ZNF804B: variants seen among roughly 807,000 people sequenced by gnomAD.
ZNF804B encodes the protein zinc finger 804B.
ZNF804B carries 80 observed loss-of-function variants against 101.4 expected under a neutral mutation model. The ratio of observed to expected loss-of-function variants is 0.79; its 90% CI spans 0.66 to 0.95. The LOEUF (loss-of-function observed/expected upper bound fraction) is 0.95, where lower values mean the gene tolerates loss of function less well. ZNF804B is among the 40% of genes least tolerant of loss of function. The pLI is 0.00. For missense variants in ZNF804B, 1,673 were observed against 1,561.9 expected, an observed-to-expected ratio of 1.07 and a Z score of -1.20; for synonymous variants, 622 against 558.8, an observed-to-expected ratio of 1.11 and a Z score of -1.59.
At chr7:89,066,925 T>C (rs1789463293) in intron 1 of ZNF804B, among the ~76,000 whole-genome samples, 1 of 151,960 alleles carries the variant, frequency 6.6e-6, no homozygotes. Flanking sequence ...GTTTGTGGTA[T>C]TTGTCAATTT....
intron 1 of ZNF804B, among the ~76,000 whole-genome samples, chr7:88,821,992 T>C (rs1315635306): frequency 6.6e-6 from 1 of 152,204 alleles, no homozygotes; most frequent in Non-Finnish European, 1.5e-5. Flanking sequence ...TAATTTAAGG[T>C]GGAAATCCAA....
rs1434913949 is a variant in ZNF804B at position 88,769,622 on chromosome 7, T to G, written c.108+9538T>G. ...GGAACTTGATCATTTCTTTCCTATT[T>G]AGGAGTTTATAGGAGGTACATAAGA... On this transcript the variant is annotated intron_variant, in intron 1 of 3. Coordinates refer to ENST00000333190, the MANE Select transcript of ZNF804B (RefSeq NM_181646.5). 2.0e-5 allele frequency among the ~76,000 whole-genome samples: 3 copies of G among 152,184 alleles called. No individual in the cohort carries two copies. In the South Asian group the frequency reaches 6.2e-4, roughly 32 times the overall value.
Position 88,776,549 on chromosome 7 carries a change from C to T in ZNF804B, c.108+16465C>T, listed in dbSNP as rs565556143. 3.7e-3 allele frequency among the ~76,000 whole-genome samples: 394 copies of T among 105,580 alleles called. 5 individuals are homozygous for T. Among genetic ancestry groups the T allele is most frequent in the Middle Eastern group, 0.018 (3 of 168 alleles). 69.3% of individuals were successfully genotyped at this position (105,580 alleles called of 152,430 possible). A position where few individuals can be genotyped will look rare whatever the true frequency, so the allele number is the denominator to read the frequency against. On this transcript the variant is annotated intron_variant, in intron 1 of 3. Transcript: ENST00000333190. ...CATTTGTAGTGGCTTTTCTATTTCT[C>T]GTGGTGTTTTGTTTTTTTTTTTTTT...
intron 2 of ZNF804B, among the ~76,000 whole-genome samples, chr7:89,279,364 C>T (rs1016440244): frequency 6.6e-6 from 1 of 150,440 alleles, no homozygotes; most frequent in Non-Finnish European, 1.5e-5. Context: ...GCCTAATTGC[C>T]CTGGCCAGAA....
chr7:88,973,089 T>G (rs1183863563), intron 1 of ZNF804B, among the ~76,000 whole-genome samples: 2 of 151,278 alleles, frequency 1.3e-5, no homozygotes, highest in Non-Finnish European at 3.0e-5. Flanking sequence ...CTATTGGTAT[T>G]TTAATGTTCT....
At chr7:89,063,477 G>T (rs965716355) in intron 1 of ZNF804B, among the ~76,000 whole-genome samples, 2 of 152,082 alleles carry the variant, frequency 1.3e-5, no homozygotes, top group Non-Finnish European at 2.9e-5. Context: ...GATACCTGTT[G>T]GGTATCATGC....
intron 1 of ZNF804B, among the ~76,000 whole-genome samples, chr7:88,983,797 C>T (rs2214628): frequency 0.72 from 109,898 of 151,824 alleles, 40,420 homozygotes; most frequent in African/African-American, 0.87. Flanking sequence ...TGATTGGCAC[C>T]GTTCATCTTG....
At chr7:89,057,548 C>T (rs1283037707) in intron 1 of ZNF804B, among the ~76,000 whole-genome samples, 6 of 152,020 alleles carry the variant, frequency 3.9e-5, no homozygotes, top group Non-Finnish European at 1.5e-5. Flanking sequence ...CTATACCATT[C>T]GAAGTCACTG....
intron 1 of ZNF804B, among the ~76,000 whole-genome samples, chr7:89,138,386 T>C (rs1177275973): frequency 6.6e-6 from 1 of 152,142 alleles, no homozygotes; most frequent in Non-Finnish European, 1.5e-5. Flanking sequence ...CTTTACGATG[T>C]GACCGTTGTA....
chr7:88,890,176 A>G (rs1792194546), intron 1 of ZNF804B, among the ~76,000 whole-genome samples: 2 of 152,158 alleles, frequency 1.3e-5, no homozygotes, highest in South Asian at 4.1e-4. Context: ...TAACACCTTC[A>G]CATAAGTCCA....
intron 2 of ZNF804B, among the ~76,000 whole-genome samples, chr7:89,323,334 A>G (rs889349512): frequency 1.3e-5 from 2 of 152,242 alleles, no homozygotes; most frequent in Non-Finnish European, 2.9e-5. Context: ...TTGAAAGATA[A>G]TACAGACCAA....
At chr7:88,996,228 T>C (rs1400629986) in intron 1 of ZNF804B, among the ~76,000 whole-genome samples, 1 of 152,108 alleles carries the variant, frequency 6.6e-6, no homozygotes, top group Non-Finnish European at 1.5e-5. Flanking sequence ...GTAGGCATTT[T>C]AAAAGACAGT....
At chr7:89,146,426 A>G (rs946993661) in intron 1 of ZNF804B, among the ~76,000 whole-genome samples, 3 of 152,112 alleles carry the variant, frequency 2.0e-5, no homozygotes, top group African/African-American at 7.2e-5. Context: ...TAAATTGGAA[A>G]TCAACAATGG....
chr7:88,925,548 T>G (rs1483000755), intron 1 of ZNF804B, among the ~76,000 whole-genome samples: 1 of 152,086 alleles, frequency 6.6e-6, no homozygotes, highest in African/African-American at 2.4e-5. Flanking sequence ...GAGAAAGTGG[T>G]CATCTGCAAG....
intron 2 of ZNF804B, among the ~76,000 whole-genome samples, chr7:89,252,645 A>T (rs1443539900): frequency 6.6e-6 from 1 of 152,204 alleles, no homozygotes; most frequent in Non-Finnish European, 1.5e-5. Flanking sequence ...ATGTTCATCA[A>T]TGGTGGATTG....
intron 2 of ZNF804B, among the ~76,000 whole-genome samples, chr7:89,289,036 T>G (rs1170770696): frequency 6.6e-6 from 1 of 152,046 alleles, no homozygotes; most frequent in Non-Finnish European, 1.5e-5. Context: ...AAGTTAAGAG[T>G]GCATACTTTA....
At chr7:89,058,296 A>T (rs1204547726) in intron 1 of ZNF804B, among the ~76,000 whole-genome samples, 1 of 152,176 alleles carries the variant, frequency 6.6e-6, no homozygotes, top group Non-Finnish European at 1.5e-5. Context: ...AATTACTGTC[A>T]TCAGGTTTCT....
At position 88,845,290 on chromosome 7, in the gene ZNF804B, C is replaced by T. The variant is rs573284585; in HGVS notation, c.108+85206C>T. ...ATGCGCATGTGTGCGCACGCGCGCG[C>T]GCACGCGCGCGCACACACACACACA... is the stretch of plus-strand genomic sequence containing the variant. On this transcript the variant is annotated intron_variant, in intron 1 of 3. Transcript: ENST00000333190. 7.6e-4 allele frequency among the ~76,000 whole-genome samples: 91 copies of T among 119,628 alleles called. 1 individual carries two copies. Among genetic ancestry groups the T allele is most frequent in the Middle Eastern group, 4.0e-3 (1 of 252 alleles). 78.5% of individuals were successfully genotyped at this position (119,628 alleles called of 152,430 possible). A position where few individuals can be genotyped will look rare whatever the true frequency, so the allele number is the denominator to read the frequency against.
chr7:88,817,027 A>G (rs959369113), intron 1 of ZNF804B, among the ~76,000 whole-genome samples: 14 of 151,928 alleles, frequency 9.2e-5, no homozygotes, highest in Admixed American at 8.5e-4. Context: ...TGTGGCACAT[A>G]TACACCATGG....
Sources: allele counts gnomAD v4.1 joint callset (sites outside exome capture counted in the v4.1 genomes callset), GRCh38; gene constraint gnomAD v4.1.1; transcripts MANE v1.5; gene names NCBI Gene and HGNC (gene_info 2026-07-23, HGNC 2026-07-21).